Variants in WDR49 observed in about 807,000 individuals in gnomAD.
WDR49 encodes the protein cilia- and flagella-associated protein 337.
WDR49 carries 107 observed loss-of-function variants against 119.5 expected under a neutral mutation model. The observed-to-expected ratio is 0.90, with a 90% confidence interval of 0.77 to 1.05. WDR49 has a LOEUF of 1.05. Ranked by LOEUF, WDR49 falls within the 50% of genes least tolerant of loss-of-function variation. The pLI, the probability that WDR49 is intolerant of heterozygous loss-of-function variation, is 0.00. For synonymous variants in WDR49, 425 were observed against 418.8 expected (o/e 1.01, Z -0.18); for missense variants, 1,240 against 1,220.5 (o/e 1.02, Z -0.24).
chr3:167,489,816 A>G (rs1404855160), intron 18 of WDR49, among the ~76,000 whole-genome samples: 2 of 152,172 alleles, frequency 1.3e-5, no homozygotes, highest in Admixed American at 6.6e-5. Context: ...CTATGAGTGT[A>G]CAGCATTCTG....
chr3:167,563,088 C>T (rs1041214393), intron 8 of WDR49, among the ~76,000 whole-genome samples: 7 of 152,048 alleles, frequency 4.6e-5, no homozygotes, highest in Admixed American at 3.9e-4. Context: ...ATTTTAGGGC[C>T]GGGCGCGGTG....
At chr3:167,506,920 T>C (rs1204494931) in intron 16 of WDR49, among the ~76,000 whole-genome samples, 2 of 152,162 alleles carry the variant, frequency 1.3e-5, no homozygotes, top group African/African-American at 4.8e-5. Context: ...ATGGTGAGAC[T>C]GGGGTTATGA....
At chr3:167,492,368 C>G (rs1751171448) in intron 18 of WDR49, among the ~76,000 whole-genome samples, 1 of 151,934 alleles carries the variant, frequency 6.6e-6, no homozygotes, top group Non-Finnish European at 1.5e-5. Context: ...GCATAAACAC[C>G]TGAGTCAGTT....
At chr3:167,479,418 C>T (rs192380185) in intron 18 of WDR49, among the ~76,000 whole-genome samples, 146 of 152,132 alleles carry the variant, frequency 9.6e-4, no homozygotes, top group Non-Finnish European at 1.6e-3. Flanking sequence ...TCTATAATCA[C>T]GTCCATAGGG....
chr3:167,496,494 T>C (rs1480176398), intron 18 of WDR49, among the ~76,000 whole-genome samples: 1 of 152,074 alleles, frequency 6.6e-6, no homozygotes, highest in Non-Finnish European at 1.5e-5. Context: ...TCATAGCAAC[T>C]TAACTTTTAA....
At position 167,599,798 on chromosome 3, in the gene WDR49, C is replaced by T. The variant is rs1256956934; in HGVS notation, c.1275+2329G>A. On this transcript the variant is annotated intron_variant, in intron 7 of 18. Transcript: ENST00000682715. ...TCACCTTTACTTTACTTCTGCTTTT[C>T]TCAAATAGAAGTGTCTCACTGTAGC... Among the ~76,000 whole-genome samples the T allele has an allele frequency of 2.0e-5, 3 of 150,484 alleles. No individual in the cohort carries two copies. In the East Asian group the frequency reaches 5.9e-4, roughly 30 times the overall value.
At chr3:167,506,342 G>A (rs996195004) in intron 16 of WDR49, among the ~76,000 whole-genome samples, 5 of 152,108 alleles carry the variant, frequency 3.3e-5, no homozygotes, top group African/African-American at 1.2e-4. Flanking sequence ...GAGATAAGAT[G>A]GATGAAAGTT....
chr3:167,515,361 A>C (rs1258105779), intron 16 of WDR49, among the ~76,000 whole-genome samples: 2 of 152,228 alleles, frequency 1.3e-5, no homozygotes, highest in African/African-American at 4.8e-5. Flanking sequence ...GTAATTCATC[A>C]CATAAACAAA....
intron 10 of WDR49, among the ~76,000 whole-genome samples, chr3:167,538,778 G>A (rs1032135148): frequency 6.6e-6 from 1 of 152,138 alleles, no homozygotes; most frequent in African/African-American, 2.4e-5. Context: ...AGGCTGAGTT[G>A]AACACTGATA....
chr3:167,562,596 C>T (rs536970102), intron 8 of WDR49, among the ~76,000 whole-genome samples: 1 of 152,306 alleles, frequency 6.6e-6, no homozygotes, highest in East Asian at 1.9e-4. Flanking sequence ...TGATCTGGAT[C>T]TTTGAAATAA....
chr3:167,634,915 A>G (rs1284547199), intron 2 of WDR49, among the ~76,000 whole-genome samples: 1 of 151,850 alleles, frequency 6.6e-6, no homozygotes. Context: ...TTATTTACAA[A>G]ATAGTGTCAT....
chr3:167,502,485 G>A (rs1276026536), intron 17 of WDR49, among the ~76,000 whole-genome samples: 8 of 152,152 alleles, frequency 5.3e-5, no homozygotes, highest in Non-Finnish European at 1.2e-4. Context: ...GAAGATGAGG[G>A]GAATTTTGGA....
rs112040531 is a variant in WDR49, at chr3:167,537,584, C to T, written c.1824-584G>A. Among the ~76,000 whole-genome samples the T allele has an allele frequency of 4.7e-3, 713 of 152,222 alleles. 5 individuals carry two copies. Among genetic ancestry groups the T allele is most frequent in the African/African-American group, 0.016 (674 of 41,536 alleles). Reference sequence around the variant, plus strand: ...AAAGAAGTAGGACATAGGACAGATACATTTTGAACAGAAAGAACAGTATTA... The same window carrying T: ...AAAGAAGTAGGACATAGGACAGATATATTTTGAACAGAAAGAACAGTATTA... On this transcript the variant is annotated intron_variant, in intron 10 of 18. Transcript: ENST00000682715.
intron 3 of WDR49, among the ~76,000 whole-genome samples, chr3:167,621,943 T>C (rs1295865609): frequency 6.6e-6 from 1 of 152,058 alleles, no homozygotes; most frequent in African/African-American, 2.4e-5. Context: ...CAGGAGAGAC[T>C]AAGGCACAGA....
intron 18 of WDR49, among the ~76,000 whole-genome samples, chr3:167,496,862 A>G (rs1227100910): frequency 2.6e-5 from 4 of 152,180 alleles, no homozygotes; most frequent in Non-Finnish European, 4.4e-5. Context: ...TAAATGGTGC[A>G]TCAGTACCCC....
chr3:167,560,534 C>T (rs1713205361), intron 8 of WDR49, among the ~76,000 whole-genome samples: 1 of 152,086 alleles, frequency 6.6e-6, no homozygotes, highest in Non-Finnish European at 1.5e-5. Context: ...CGAATCTTTC[C>T]CATTTAGATG....
At chr3:167,582,029 T>C (rs926636905) in intron 7 of WDR49, among the ~76,000 whole-genome samples, 5 of 142,012 alleles carry the variant, frequency 3.5e-5, no homozygotes, top group Admixed American at 2.1e-4. Flanking sequence ...TGGGCATGCT[T>C]CCGTGTGTGT....
At chr3:167,583,490 C>A (rs1462629262) in intron 7 of WDR49, among the ~76,000 whole-genome samples, 1 of 151,864 alleles carries the variant, frequency 6.6e-6, no homozygotes, top group African/African-American at 2.4e-5. Context: ...ATGCCAGGAG[C>A]TTGAGACCAG....
intron 10 of WDR49, among the ~76,000 whole-genome samples, chr3:167,537,934 A>G (rs1270031542): frequency 6.6e-6 from 1 of 151,782 alleles, no homozygotes; most frequent in East Asian, 1.9e-4. Flanking sequence ...TACCAGTGTT[A>G]CTCCTCAGCC....
Sources: allele counts gnomAD v4.1 joint callset (sites outside exome capture counted in the v4.1 genomes callset), GRCh38; gene constraint gnomAD v4.1.1; transcripts MANE v1.5; gene names NCBI Gene and HGNC (gene_info 2026-07-23, HGNC 2026-07-21).